DPP9: variants seen among roughly 807,000 people sequenced by gnomAD.
The protein encoded by DPP9 is dipeptidyl peptidase 9, also known as dipeptidyl peptidase IV-related protein-2.
A neutral mutation model predicts 110.7 loss-of-function variants in DPP9; 50 were observed. The observed-to-expected ratio is 0.45, with a 90% CI of 0.36 to 0.57. The LOEUF is 0.57. Ranked by LOEUF, DPP9 falls within the 20% of genes least tolerant of loss-of-function variation. The pLI, the probability that DPP9 is intolerant of heterozygous loss-of-function variation, is 0.00. For synonymous variants in DPP9, 561 were observed against 514.4 expected (o/e 1.09, Z -1.23); for missense variants, 1,022 against 1,217.9 (o/e 0.84, Z 2.39).
chr19:4,709,533 G>A (rs906017943), intron 4 of DPP9, among the ~76,000 whole-genome samples: 15 of 152,130 alleles, frequency 9.9e-5, no homozygotes, highest in African/African-American at 2.9e-4. Flanking sequence ...CCGTCCGGCC[G>A]CCCATGGGGA....
At chr19:4,707,219 C>T (rs181347789) in intron 4 of DPP9, among the ~76,000 whole-genome samples, 4 of 152,292 alleles carry the variant, frequency 2.6e-5, no homozygotes, top group East Asian at 3.9e-4. Flanking sequence ...TTTCCACCTA[C>T]GCATGTCTCT....
rs1021404017 is a variant in DPP9, at chr19:4,718,768, A to G, written c.56+1083T>C. ...CGGTTTTAGAGCCCATGGCTGGGCCAATCATAGCCCTTCACACCGTCCCCG... is the reference window on the plus strand; with the variant it reads ...CGGTTTTAGAGCCCATGGCTGGGCCGATCATAGCCCTTCACACCGTCCCCG... On this transcript the variant is annotated intron_variant, in intron 3 of 21. Coordinates refer to ENST00000262960, the MANE Select transcript of DPP9 (RefSeq NM_139159.5). This position sits in a 1 kb window ranked among gnomAD's most constrained non-coding sequence, Gnocchi z 4.3. Among the ~76,000 whole-genome samples, 26 of 152,224 alleles carry G rather than the reference A, an allele frequency of 1.7e-4. 1 individual carries two copies. The highest frequency in any genetic ancestry group is 2.6e-4 in the Non-Finnish European group (18 of 68,032).
At chr19:4,679,154 A>T (rs2089390652) in intron 21 of DPP9, 1 of 147,438 alleles carries the variant, frequency 6.8e-6, no homozygotes, top group Non-Finnish European at 1.5e-5. Context: ...TCCACTACCG[A>T]GGCCCTTCCC....
intron 4 of DPP9, 101 bp downstream of exon 4, chr19:4,713,980 C>G: frequency 1.4e-6 from 2 of 1,445,410 alleles, no homozygotes; most frequent in Non-Finnish European, 1.8e-6. Context: ...GCCATCCGAG[C>G]AGATCTTCCA....
At chr19:4,706,353 T>G (rs1295058624) in intron 4 of DPP9, among the ~76,000 whole-genome samples, 1 of 135,754 alleles carries the variant, frequency 7.4e-6, no homozygotes, top group Admixed American at 7.4e-5. Context: ...AAGAATAAAA[T>G]AAAAGAAAAA....
intron 4 of DPP9, among the ~76,000 whole-genome samples, chr19:4,707,761 G>T (rs186526262): frequency 2.8e-4 from 43 of 151,788 alleles, no homozygotes; most frequent in African/African-American, 1.0e-3. Context: ...GAGTAGCTGG[G>T]ATTACAGGCG....
chr19:4,706,958 T>A (rs2092615972), intron 4 of DPP9, among the ~76,000 whole-genome samples: 1 of 152,108 alleles, frequency 6.6e-6, no homozygotes. Context: ...CTCCGCCCAC[T>A]CCATGCCAGG....
intron 9 of DPP9, among the ~76,000 whole-genome samples, chr19:4,701,189 C>A (rs1599915019): frequency 6.6e-6 from 1 of 152,180 alleles, no homozygotes; most frequent in East Asian, 1.9e-4. Flanking sequence ...TTGGGAGTGG[C>A]CGGGCGTGTG....
In DPP9 at chr19:4,700,305, C is replaced by A; in HGVS notation, c.1013-28G>T. ...GCAAAAACCGAAGTGAGGTGAACAC[C>A]AGGCAGGCATCACCCGTGTGTGCCG... is the stretch of plus-strand genomic sequence containing the variant. On this transcript the variant is annotated intron_variant, in intron 9 of 21. Coordinates refer to ENST00000262960, the MANE Select transcript of DPP9 (RefSeq NM_139159.5). The surrounding 1 kb of genome is among the most constrained non-coding windows in gnomAD (Gnocchi z 4.3). 1 of 1,584,772 alleles carries A rather than the reference C, an allele frequency of 6.3e-7. No homozygotes were observed. The highest frequency in any genetic ancestry group is 8.6e-7 in the Non-Finnish European group (1 of 1,161,570).
intron 8 of DPP9, 28 bp from the exon 9 acceptor site, chr19:4,702,183 G>A: frequency 6.3e-7 from 1 of 1,591,270 alleles, no homozygotes; most frequent in East Asian, 2.2e-5. Context: ...AAAAACTGCT[G>A]AGGGTGCCAG....
At chr19:4,681,700 C>T (rs941600083) in intron 20 of DPP9, among the ~76,000 whole-genome samples, 4 of 151,458 alleles carry the variant, frequency 2.6e-5, no homozygotes, top group Non-Finnish European at 4.4e-5. Flanking sequence ...AAGTAGCTGG[C>T]ATTACAGGCA....
chr19:4,685,776 G>C lies in DPP9; in HGVS notation c.1886-5C>G. ...GAACATAATCCGGGGGGCAGCCTGC[G>C]GGAGACAGGGCGGCTATCTGGCTGC... On this transcript the variant is annotated splice_region_variant and splice_polypyrimidine_tract_variant and intron_variant, in intron 16 of 21. Transcript: ENST00000262960. This position sits in a 1 kb window ranked among gnomAD's most constrained non-coding sequence, Gnocchi z 5.8. 1 of 1,612,004 alleles carries C rather than the reference G, an allele frequency of 6.2e-7. No individual in the cohort carries two copies. Among genetic ancestry groups the C allele is most frequent in the Non-Finnish European group, 8.5e-7 (1 of 1,179,698 alleles).
intron 9 of DPP9, among the ~76,000 whole-genome samples, chr19:4,701,301 C>G (rs1241502046): frequency 6.6e-6 from 1 of 152,160 alleles, no homozygotes; most frequent in Non-Finnish European, 1.5e-5. Flanking sequence ...GACTCCATCT[C>G]TACAGAAAAT....
chr19:4,692,850 G>A (rs754674435), intron 13 of DPP9, among the ~76,000 whole-genome samples: 5 of 152,138 alleles, frequency 3.3e-5, no homozygotes, highest in Non-Finnish European at 7.4e-5. Flanking sequence ...CCTTTGAGAC[G>A]CTTAGCCAGT....
chr19:4,682,929 G>A lies in DPP9; in HGVS notation c.2332-91C>T, dbSNP rs1056466387. On this transcript the variant is annotated intron_variant, in intron 19 of 21. Transcript: ENST00000262960. The surrounding 1 kb of genome is among the most constrained non-coding windows in gnomAD (Gnocchi z 7.1). ...CAGCATCAGCCGCTGTCCCGGGGCC[G>A]CCCTGGAGCCCGTGAGGAGCGCTCA... 1.0e-5 allele frequency: 16 copies of A among 1,536,242 alleles called. No individual in the cohort carries two copies. Among genetic ancestry groups the A allele is most frequent in the Admixed American group, 9.8e-5 (5 of 50,950 alleles).
chr19:4,678,924 G>A (rs2089321247), intron 21 of DPP9, among the ~76,000 whole-genome samples: 1 of 152,020 alleles, frequency 6.6e-6, no homozygotes, highest in South Asian at 2.1e-4. Flanking sequence ...GAGAAATGTG[G>A]GTCAAATGGC....
At chr19:4,719,790 T>C in intron 3 of DPP9, 61 bp downstream of exon 3, 2 of 1,537,702 alleles carry the variant, frequency 1.3e-6, no homozygotes, top group Non-Finnish European at 1.8e-6. Flanking sequence ...CTTAGACTGT[T>C]GGGGAATTCC....
chr19:4,693,359 C>T lies in DPP9; in HGVS notation c.1516+1302G>A, dbSNP rs186582264. On this transcript the variant is annotated intron_variant, in intron 13 of 21. Coordinates refer to ENST00000262960, the MANE Select transcript of DPP9 (RefSeq NM_139159.5). This position sits in a 1 kb window ranked among gnomAD's most constrained non-coding sequence, Gnocchi z 5.0. ...TCAGTGTGCAAGGACACCTGCAATC[C>T]CACCAGGAGTCTCGGTTCCCTGAGC... is the stretch of plus-strand genomic sequence containing the variant. 5.6e-4 allele frequency among the ~76,000 whole-genome samples: 86 copies of T among 152,234 alleles called. No homozygotes were observed. Among genetic ancestry groups the T allele is most frequent in the African/African-American group, 2.0e-3 (85 of 41,546 alleles).
intron 3 of DPP9, among the ~76,000 whole-genome samples, chr19:4,717,080 G>C (rs958205831): frequency 6.6e-6 from 1 of 152,066 alleles, no homozygotes; most frequent in African/African-American, 2.4e-5. Flanking sequence ...TCTCCAACTC[G>C]ACCCCAAAGA....
Sources: gnomAD v4.1 joint callset for allele counts (sites outside exome capture counted in the v4.1 genomes callset) on GRCh38, gnomAD v4.1.1 for gene constraint, Gnocchi (gnomAD v3.1) non-coding constraint, MANE v1.5 for transcripts, NCBI Gene and HGNC (gene_info 2026-07-23, HGNC 2026-07-21) for gene names.